The following TEK variants were observed in gnomAD, a reference collection of about 807,000 sequenced individuals.
The protein encoded by TEK is angiopoietin-1 receptor.
In TEK, 43 loss-of-function variants were observed where a neutral mutation model predicts 131.8. The observed-to-expected ratio is 0.33, with a 90% CI of 0.26 to 0.42. TEK has a LOEUF of 0.42. Among genes scored for constraint, TEK ranks in the 10% least tolerant of loss-of-function variants. TEK has a pLI of 1.00. For synonymous variants in TEK, 580 were observed against 491.6 expected (o/e 1.18, Z -2.38); for missense variants, 1,162 against 1,384.4 (o/e 0.84, Z 2.55).
At position 27,206,586 on chromosome 9, in the gene TEK, A is replaced by G. The variant is rs765405804; in HGVS notation, c.2369A>G (p.Glu790Gly). The G allele has an allele frequency of 5.8e-5, 94 of 1,613,648 alleles. No individual in the cohort carries two copies. Among genetic ancestry groups the G allele is most frequent in the Non-Finnish European group, 7.9e-5 (93 of 1,179,884 alleles). Reference sequence around the variant, plus strand: ...ATGAAATAATTATTTTTCCAGAGGGAAGAACCAGCTGTGCAGTTCAACTCA... The same window carrying G: ...ATGAAATAATTATTTTTCCAGAGGGGAGAACCAGCTGTGCAGTTCAACTCA... ...RMAQAFQNVR[E>G]EPAVQFNSGT... The change falls in exon 15 of 23, where the codon GAA becomes GGA. Residue 790 changes from glutamate to glycine, a missense_variant. Around this residue, in one of 6 missense-constraint regions of TEK, gnomAD observed 477 missense variants for 471.0 expected, o/e 1.01. Transcript: ENST00000380036.
intron 16 of TEK, among the ~76,000 whole-genome samples, chr9:27,211,256 ATTACCT>A (rs1408176289): frequency 1.8e-5 from 1 of 56,230 alleles, no homozygotes; most frequent in Non-Finnish European, 3.6e-5. Context: ...TTTAAGGTAA[ATTACCT>A]TTATCTTTAT....
intron 1 of TEK, among the ~76,000 whole-genome samples, chr9:27,128,733 G>C (rs1234499021): frequency 6.6e-6 from 1 of 152,006 alleles, no homozygotes; most frequent in African/African-American, 2.4e-5. Context: ...TATTCTCTTT[G>C]TGGCAATTGT....
chr9:27,176,372 T>A (rs1469050845), intron 6 of TEK, among the ~76,000 whole-genome samples: 1 of 152,168 alleles, frequency 6.6e-6, no homozygotes, highest in East Asian at 1.9e-4. Flanking sequence ...GGAAGAAAGT[T>A]CTAGTGTATT....
chr9:27,207,677 G>T (rs758696087), intron 15 of TEK, among the ~76,000 whole-genome samples: 2 of 152,152 alleles, frequency 1.3e-5, no homozygotes, highest in Non-Finnish European at 2.9e-5. Flanking sequence ...GTGCATTAAA[G>T]CAGAGAATAT....
intron 10 of TEK, 99 bp downstream of exon 10, chr9:27,190,789 T>A: frequency 6.6e-7 from 1 of 1,506,296 alleles, no homozygotes; most frequent in Non-Finnish European, 9.2e-7. Flanking sequence ...CTCAATCCTC[T>A]ACCTCAAGGT....
chr9:27,184,801 C>A (rs751885590), intron 8 of TEK, among the ~76,000 whole-genome samples: 5 of 151,992 alleles, frequency 3.3e-5, no homozygotes, highest in Non-Finnish European at 7.4e-5. Context: ...GCTTTGGAAG[C>A]CTGAGGTGGG....
At chr9:27,180,116 C>A in intron 6 of TEK, 124 bp from the exon 7 acceptor site, 1 of 1,384,834 alleles carries the variant, frequency 7.2e-7, no homozygotes, top group Non-Finnish European at 1.0e-6. Flanking sequence ...GATAAATTAC[C>A]CCCTACCTTA....
rs610646 is a variant in TEK, at chr9:27,168,470, G to A, written c.365-25G>A. On this transcript the variant is annotated intron_variant, in intron 2 of 22. Coordinates refer to ENST00000380036, the MANE Select transcript of TEK (RefSeq NM_000459.5). The stretch of plus-strand genomic sequence containing the variant: ...GAGAAAATGTGTGATCCCATTTTTG[G>A]TATTTGTTTTCTCTCTTTTAAAAGC... 7.4e-3 allele frequency: 11,699 copies of A among 1,571,980 alleles called. 684 individuals carry two copies. The African/African-American group carries it at 0.13, about 18-fold the overall frequency.
chr9:27,192,418 T>TA, intron 10 of TEK, 71 bp from the exon 11 acceptor site: 1 of 1,594,902 alleles, frequency 6.3e-7, no homozygotes, highest in Non-Finnish European at 8.6e-7. Context: ...CACATCGCAA[T>TA]AACAACAACC....
At chr9:27,164,664 G>A (rs1823663856) in intron 2 of TEK, among the ~76,000 whole-genome samples, 1 of 151,970 alleles carries the variant, frequency 6.6e-6, no homozygotes. Context: ...TGAACAGCTG[G>A]GACTACAAGC....
intron 21 of TEK, among the ~76,000 whole-genome samples, chr9:27,222,281 A>C (rs1329163351): frequency 2.6e-5 from 4 of 152,186 alleles, no homozygotes; most frequent in Admixed American, 2.6e-4. Flanking sequence ...CAAGTTGGAA[A>C]ACCCTCTTCA....
At chr9:27,188,224 A>AC (rs1381663835) in intron 9 of TEK, among the ~76,000 whole-genome samples, 2 of 152,332 alleles carry the variant, frequency 1.3e-5, no homozygotes, top group Non-Finnish European at 2.9e-5. Flanking sequence ...AAAAGGGCAC[A>AC]CAGGTGCCTT....
At chr9:27,214,993 C>T (rs1300789033) in intron 18 of TEK, among the ~76,000 whole-genome samples, 1 of 152,194 alleles carries the variant, frequency 6.6e-6, no homozygotes, top group Admixed American at 6.5e-5. Context: ...TCCTCCCTCA[C>T]CACCTGGTGT....
chr9:27,228,131 C>G (rs1386164034), intron 21 of TEK, 75 bp from the exon 22 acceptor site: 1 of 1,287,394 alleles, frequency 7.8e-7, no homozygotes, highest in Non-Finnish European at 1.1e-6. Context: ...GCTTCATTCT[C>G]TCCTCTCTTT....
intron 2 of TEK, among the ~76,000 whole-genome samples, chr9:27,160,612 G>A (rs1204101974): frequency 6.6e-6 from 1 of 152,102 alleles, no homozygotes; most frequent in African/African-American, 2.4e-5. Context: ...CTCTAACTTG[G>A]GTCCAGCTGA....
chr9:27,229,281 C>CATG lies in TEK; in HGVS notation c.*49_*50insATG, dbSNP rs1333423533. 1.3e-6 allele frequency: 2 copies of CATG among 1,558,042 alleles called. No individual in the cohort carries two copies. Among genetic ancestry groups the CATG allele is most frequent in the Admixed American group, 3.3e-5 (2 of 59,878 alleles). ...GTTTCCCTTTCACTGGCATGGGAGA[C>CATG]CCTTGACACCTGCTGAGAAAACATG... On this transcript the variant is annotated 3_prime_UTR_variant, in exon 23 of 23. Coordinates refer to ENST00000380036, the MANE Select transcript of TEK (RefSeq NM_000459.5).
At chr9:27,180,182 T>G (rs2131163584) in intron 6 of TEK, 58 bp from the exon 7 acceptor site, 1 of 1,609,414 alleles carries the variant, frequency 6.2e-7, no homozygotes, top group Non-Finnish European at 8.5e-7. Context: ...ACACCTGCAG[T>G]CTTAGTTTCC....
At chr9:27,127,398 C>T (rs1183571696) in intron 1 of TEK, among the ~76,000 whole-genome samples, 1 of 152,174 alleles carries the variant, frequency 6.6e-6, no homozygotes. Context: ...GGGTTGGTTC[C>T]AAGTCTTTGC....
intron 19 of TEK, 37 bp downstream of exon 19, chr9:27,217,795 C>G (rs1587037857): frequency 6.4e-7 from 1 of 1,569,190 alleles, no homozygotes; most frequent in African/African-American, 1.4e-5. Context: ...ATTTTTTTTC[C>G]CTCCCAGAAA....
Sources: allele counts gnomAD v4.1 joint callset (sites outside exome capture counted in the v4.1 genomes callset), GRCh38; gene constraint gnomAD v4.1.1; regional missense constraint gnomAD v4.1.1; transcripts MANE v1.5; gene names NCBI Gene and HGNC (gene_info 2026-07-23, HGNC 2026-07-21).